Variants in EYS observed in about 807,000 individuals in gnomAD.
The protein encoded by EYS is EGF-like photoreceptor maintenance factor.
Under a neutral mutation model 282.1 loss-of-function variants are expected in EYS, and 250 were observed. The ratio of observed to expected loss-of-function variants is 0.89; its 90% CI spans 0.80 to 0.98. The LOEUF (loss-of-function observed/expected upper bound fraction) is 0.98. EYS is among the 50% of genes least tolerant of loss of function. EYS has a pLI of 0.00. For missense variants in EYS, 4,016 were observed against 3,709.0 expected (o/e 1.08, Z -2.15); for synonymous variants, 1,355 against 1,282.9 (o/e 1.06, Z -1.20).
In EYS at chr6:64,066,498, G is replaced by A. The variant is rs1449627821; in HGVS notation, c.6572-7C>T. 5 of 1,464,144 alleles carry A rather than the reference G, an allele frequency of 3.4e-6. No individual in the cohort carries two copies. The highest frequency in any genetic ancestry group is 2.1e-5 in the Admixed American group (1 of 47,050). The allele number at this position is 1,464,144 out of a possible 1,614,324, so 90.7% of individuals were successfully genotyped here. On this transcript the variant is annotated splice_polypyrimidine_tract_variant and splice_region_variant and intron_variant, in intron 32 of 42. Transcript: ENST00000503581. ...CCACAATTATTCCCATTACCTTTAA[G>A]AAAAAAAGAATATATTAGTAATTAT...
chr6:64,774,929 C>T (rs540407043), intron 22 of EYS, among the ~76,000 whole-genome samples: 1 of 151,950 alleles, frequency 6.6e-6, no homozygotes, highest in Non-Finnish European at 1.5e-5. Context: ...TTTGTATTTG[C>T]AACTATTTCA....
intron 1 of EYS, among the ~76,000 whole-genome samples, chr6:65,641,272 C>T (rs960662498): frequency 2.0e-5 from 3 of 152,228 alleles, no homozygotes; most frequent in Admixed American, 1.3e-4. Context: ...TAACCATACT[C>T]TTCCCAACTC....
chr6:64,705,637 C>CTA (rs1424879093), intron 22 of EYS, among the ~76,000 whole-genome samples: 1 of 151,524 alleles, frequency 6.6e-6, no homozygotes, highest in African/African-American at 2.4e-5. Flanking sequence ...CCATGGAATA[C>CTA]TATGCAGCCA....
At chr6:65,386,623 G>T (rs577493958) in intron 7 of EYS, among the ~76,000 whole-genome samples, 3 of 151,830 alleles carry the variant, frequency 2.0e-5, no homozygotes, top group East Asian at 3.9e-4. Context: ...CAAAAGCAAA[G>T]TAAACAAAAG....
At chr6:64,505,924 G>C (rs1442237630) in intron 26 of EYS, among the ~76,000 whole-genome samples, 1 of 152,130 alleles carries the variant, frequency 6.6e-6, no homozygotes, top group Non-Finnish European at 1.5e-5. Flanking sequence ...TGATATGCTT[G>C]AGAATCACAG....
intron 21 of EYS, among the ~76,000 whole-genome samples, chr6:64,815,993 C>T (rs547968119): frequency 2.3e-4 from 35 of 152,140 alleles, no homozygotes; most frequent in Non-Finnish European, 4.1e-4. Context: ...ACAGGGTTGT[C>T]CTGTGATCTC....
intron 30 of EYS, among the ~76,000 whole-genome samples, chr6:64,264,652 G>C (rs192835245): frequency 2.0e-5 from 3 of 152,144 alleles, no homozygotes; most frequent in African/African-American, 7.2e-5. Flanking sequence ...GCTCATGCCT[G>C]TAATCCCAGC....
chr6:63,720,336 G>A lies in EYS; in HGVS notation c.*260C>T. 2.4e-6 allele frequency: 1 copy of A among 413,652 alleles called. No individual in the cohort carries two copies. The highest frequency in any genetic ancestry group is 4.0e-5 in the Admixed American group (1 of 24,944). The allele number at this position is 413,652 out of a possible 1,614,324, so 25.6% of individuals were successfully genotyped here. On this transcript the variant is annotated 3_prime_UTR_variant, in exon 43 of 43. Transcript: ENST00000503581. Reference sequence around the variant, plus strand: ...TAGGTAAAAAGTGAATAAGCAAAGTGAATAAGCACATTCTGTGAATAAGCA... The same window carrying A: ...TAGGTAAAAAGTGAATAAGCAAAGTAAATAAGCACATTCTGTGAATAAGCA...
intron 13 of EYS, among the ~76,000 whole-genome samples, chr6:65,006,355 T>G (rs2150130341): frequency 6.6e-6 from 1 of 152,170 alleles, no homozygotes; most frequent in South Asian, 2.1e-4. Context: ...AAATAAGGGC[T>G]TAGCAAATCC....
Position 64,227,311 on chromosome 6 carries a change from T to C in EYS, c.6424+3281A>G, listed in dbSNP as rs538408475. Among the ~76,000 whole-genome samples the C allele has an allele frequency of 2.6e-5, 4 of 152,230 alleles. No individual in the cohort carries two copies. In the South Asian group the frequency reaches 8.3e-4, roughly 32 times the overall value. On this transcript the variant is annotated intron_variant, in intron 31 of 42. Coordinates refer to ENST00000503581, the MANE Select transcript of EYS (RefSeq NM_001142800.2). ...CTAGATCAACATTAACTTCTTTGGT[T>C]TGACGATTTTTGAAATCTTATTTTT...
At chr6:65,042,596 G>C (rs1261854853) in intron 13 of EYS, among the ~76,000 whole-genome samples, 1 of 150,872 alleles carries the variant, frequency 6.6e-6, no homozygotes, top group Non-Finnish European at 1.5e-5. Flanking sequence ...CACCAGTATG[G>C]TTCAATTTAT....
At chr6:65,429,126 G>C (rs1474254079) in intron 5 of EYS, among the ~76,000 whole-genome samples, 2 of 151,832 alleles carry the variant, frequency 1.3e-5, no homozygotes, top group African/African-American at 4.8e-5. Context: ...GTTGTAGTGA[G>C]TGGAGATGCA....
At chr6:64,178,889 C>T (rs138979761) in intron 31 of EYS, among the ~76,000 whole-genome samples, 69 of 152,086 alleles carry the variant, frequency 4.5e-4, no homozygotes, top group African/African-American at 1.5e-3. Flanking sequence ...CCAAGCAAGT[C>T]CACAATTGCC....
chr6:64,975,469 T>G (rs1244080318), intron 14 of EYS, among the ~76,000 whole-genome samples: 1 of 151,974 alleles, frequency 6.6e-6, no homozygotes, highest in Non-Finnish European at 1.5e-5. Context: ...TTCCCTTATT[T>G]TTTTAAAAAA....
intron 2 of EYS, among the ~76,000 whole-genome samples, chr6:65,533,655 A>G (rs756318697): frequency 3.3e-5 from 5 of 152,128 alleles, no homozygotes; most frequent in Non-Finnish European, 7.4e-5. Context: ...CCTTTATAAA[A>G]GAGTCCCAAA....
intron 13 of EYS, among the ~76,000 whole-genome samples, chr6:65,011,115 TC>T (rs1771851344): frequency 6.6e-6 from 1 of 152,156 alleles, no homozygotes; most frequent in Non-Finnish European, 1.5e-5. Flanking sequence ...CATAGTTTTC[TC>T]CCCTCAGGAT....
intron 26 of EYS, among the ~76,000 whole-genome samples, chr6:64,534,471 T>G (rs1764456171): frequency 6.6e-6 from 1 of 152,272 alleles, no homozygotes; most frequent in South Asian, 2.1e-4. Context: ...CAGTTTACAT[T>G]AATCATTCAA....
intron 31 of EYS, among the ~76,000 whole-genome samples, chr6:64,092,086 A>G (rs1772385511): frequency 6.6e-6 from 1 of 152,092 alleles, no homozygotes; most frequent in South Asian, 2.1e-4. Context: ...TGAACTTATC[A>G]TTTTTTATGG....
intron 41 of EYS, among the ~76,000 whole-genome samples, chr6:63,745,356 A>T (rs563413560): frequency 1.3e-5 from 2 of 152,322 alleles, no homozygotes; most frequent in East Asian, 3.9e-4. Context: ...TGATGCACCT[A>T]TAGGCAAGGG....
Sources: gnomAD v4.1 joint callset for allele counts (sites outside exome capture counted in the v4.1 genomes callset) on GRCh38, gnomAD v4.1.1 for gene constraint, MANE v1.5 for transcripts, NCBI Gene and HGNC (gene_info 2026-07-23, HGNC 2026-07-21) for gene names.